ALMS1: variants seen among roughly 807,000 people sequenced by gnomAD.
The protein encoded by ALMS1 is ALMS1 centrosome and basal body associated protein.
A neutral mutation model predicts 352.2 loss-of-function variants in ALMS1; 271 were observed. The observed-to-expected ratio is 0.77, with a 90% CI of 0.70 to 0.85. ALMS1 has a LOEUF of 0.85. Ranked by LOEUF, ALMS1 falls within the 40% of genes least tolerant of loss-of-function variation. ALMS1 has a pLI of 0.00. For missense variants in ALMS1, 5,445 were observed against 4,870.7 expected, an observed-to-expected ratio of 1.12 and a Z score of -3.51; for synonymous variants, 1,865 against 1,761.2, an observed-to-expected ratio of 1.06 and a Z score of -1.48.
At chr2:73,492,434 G>T (rs1673010488) in intron 10 of ALMS1, among the ~76,000 whole-genome samples, 1 of 152,144 alleles carries the variant, frequency 6.6e-6, no homozygotes, top group African/African-American at 2.4e-5. Context: ...TGTGCCAAAA[G>T]ATGTTGTTTG....
intron 16 of ALMS1, among the ~76,000 whole-genome samples, chr2:73,582,952 A>G (rs991097879): frequency 2.0e-5 from 3 of 152,116 alleles, no homozygotes; most frequent in South Asian, 4.1e-4. Flanking sequence ...AGGAGCCTCA[A>G]CACTGTTTTC....
At position 73,491,203 on chromosome 2, in the gene ALMS1, G is replaced by A; in HGVS notation, c.9244G>A (p.Glu3082Lys). 1 of 1,614,142 alleles carries A rather than the reference G, an allele frequency of 6.2e-7. No homozygotes were observed. The highest frequency in any genetic ancestry group is 1.1e-5 in the South Asian group (1 of 91,062). ...TGCTTCTAAAGCGAGGATGAATAGT[G>A]AGTTTAACTTTGACTTACATACTGT... is the stretch of plus-strand genomic sequence containing the variant. ...DAASKARMNS[E>K]FNFDLHTVSS... The change falls in exon 10 of 23, where the codon GAG (glutamate) becomes AAG (lysine). Residue 3082 changes from glutamate (E) to lysine (K), a missense_variant. Physicochemically the swap from Glu to Lys is moderately conservative, Grantham distance 56 (BLOSUM62 1). Transcript: ENST00000613296.
chr2:73,511,880 A>G (rs941079396), intron 10 of ALMS1, among the ~76,000 whole-genome samples: 15 of 152,172 alleles, frequency 9.9e-5, no homozygotes, highest in Admixed American at 1.3e-4. Flanking sequence ...GCTGAGGTTG[A>G]GAAACTGCAC....
chr2:73,407,635 C>T (rs1670997545), intron 1 of ALMS1, among the ~76,000 whole-genome samples: 3 of 152,154 alleles, frequency 2.0e-5, no homozygotes, highest in Admixed American at 2.0e-4. Flanking sequence ...GCATTTCTTC[C>T]AGGTGAGGTC....
intron 2 of ALMS1, among the ~76,000 whole-genome samples, chr2:73,417,406 A>G (rs1430528690): frequency 6.6e-6 from 1 of 152,262 alleles, no homozygotes; most frequent in Non-Finnish European, 1.5e-5. Flanking sequence ...AGTTGCTTAA[A>G]TAAATACAGA....
intron 16 of ALMS1, among the ~76,000 whole-genome samples, chr2:73,593,429 G>A (rs1481903665): frequency 6.6e-6 from 1 of 152,146 alleles, no homozygotes; most frequent in Admixed American, 6.5e-5. Context: ...AGGCAACACT[G>A]TTTATCACTT....
chr2:73,539,951 G>GAT (rs1245202024), intron 12 of ALMS1, among the ~76,000 whole-genome samples: 1 of 152,188 alleles, frequency 6.6e-6, no homozygotes, highest in Admixed American at 6.5e-5. Context: ...TACTCTGCAG[G>GAT]ATATTATCCA....
At chr2:73,547,545 G>A (rs1306759870) in intron 12 of ALMS1, among the ~76,000 whole-genome samples, 2 of 152,128 alleles carry the variant, frequency 1.3e-5, no homozygotes, top group African/African-American at 4.8e-5. Flanking sequence ...GGGGCTTAGT[G>A]CAGGAGCTCA....
chr2:73,440,246 G>T (rs533512641), intron 7 of ALMS1, among the ~76,000 whole-genome samples: 1 of 152,062 alleles, frequency 6.6e-6, no homozygotes, highest in Non-Finnish European at 1.5e-5. Context: ...GTCTCCCAAA[G>T]TGCTCGTATT....
At chr2:73,465,248 C>G (rs1405213545) in intron 9 of ALMS1, among the ~76,000 whole-genome samples, 4 of 151,800 alleles carry the variant, frequency 2.6e-5, no homozygotes, top group African/African-American at 7.3e-5. Context: ...TACTACAAGG[C>G]TACAGTAACC....
In ALMS1 at chr2:73,602,437, G is replaced by A. The variant is rs897624010; in HGVS notation, c.12298+69G>A. Reference sequence around the variant, plus strand: ...GCAAGGTCTGCTGCTCTGCTGCAGAGCCCTGCTAAAGGCCAGCCCAGGCCA... The same window carrying A: ...GCAAGGTCTGCTGCTCTGCTGCAGAACCCTGCTAAAGGCCAGCCCAGGCCA... On this transcript the variant is annotated intron_variant, in intron 20 of 22. Transcript: ENST00000613296. The A allele has an allele frequency of 2.9e-5, 45 of 1,578,252 alleles. No individual in the cohort carries two copies. In the Middle Eastern group the frequency reaches 2.1e-3, roughly 75 times the overall value.
rs1373533726 is a variant in ALMS1 at position 73,388,916 on chromosome 2, T to C, written c.324+2724T>C. On this transcript the variant is annotated intron_variant, in intron 1 of 22. Transcript: ENST00000613296. ...TGTGAGCCAGTGTGCCTGGCTCAGA[T>C]GTCTTTTTGATGAAATGATTTAATT... Among the ~76,000 whole-genome samples, 3 of 152,144 alleles carry C rather than the reference T, an allele frequency of 2.0e-5. No homozygotes were observed. The East Asian group carries it at 5.8e-4, about 29-fold the overall frequency.
intron 1 of ALMS1, among the ~76,000 whole-genome samples, chr2:73,399,320 C>G (rs1025563951): frequency 6.6e-6 from 1 of 152,028 alleles, no homozygotes; most frequent in Non-Finnish European, 1.5e-5. Flanking sequence ...CATTGTGTTG[C>G]TATGAAGAAA....
chr2:73,495,700 T>C (rs1673090045), intron 10 of ALMS1, among the ~76,000 whole-genome samples: 1 of 152,220 alleles, frequency 6.6e-6, no homozygotes, highest in Non-Finnish European at 1.5e-5. Context: ...TGTATACTCA[T>C]ATCTGTATCT....
intron 11 of ALMS1, among the ~76,000 whole-genome samples, chr2:73,525,326 TGTA>T (rs1430630641): frequency 1.3e-5 from 2 of 152,196 alleles, no homozygotes; most frequent in African/African-American, 4.8e-5. Context: ...TAGCTCTAAT[TGTA>T]GTTTTTTGAG....
intron 14 of ALMS1, among the ~76,000 whole-genome samples, chr2:73,557,899 A>G (rs1165482206): frequency 1.3e-5 from 2 of 152,240 alleles, no homozygotes; most frequent in Non-Finnish European, 2.9e-5. Context: ...GTAAAACTCC[A>G]GAGGTAAGCA....
Position 73,408,733 on chromosome 2 carries a change from T to C in ALMS1, c.436T>C (p.Ser146Pro). 6.2e-7 allele frequency: 1 copy of C among 1,613,594 alleles called. No homozygotes were observed. Among genetic ancestry groups the C allele is most frequent in the Non-Finnish European group, 8.5e-7 (1 of 1,179,790 alleles). The change falls in exon 2 of 23, where the codon TCT (serine) becomes CCT (proline). Residue 146 changes from serine (S) to proline (P), a missense_variant. Coordinates refer to ENST00000613296, the MANE Select transcript of ALMS1 (RefSeq NM_001378454.1). ...VCLETTAQRG[S>P]GDDQKTESWH... ...TTTGGAAACAACAGCTCAGCGGGGT[T>C]CTGGGGATGATCAGGTATGTCTTCT...
In ALMS1 at chr2:73,449,865, A is replaced by G; in HGVS notation, c.3338A>G (p.Glu1113Gly). Residue 1113 changes from glutamate to glycine, a missense_variant, in exon 8 of 23, where the codon GAG becomes GGG. Transcript: ENST00000613296. The part of the protein sequence containing the change: ...PGIFYQQTLP[E>G]SHLPKEALKI... ...ATTTTCTACCAACAGACCTTGCCAGAGAGTCATCTGCCTAAAGAGGCTCTG... is the reference window on the plus strand; with the variant it reads ...ATTTTCTACCAACAGACCTTGCCAGGGAGTCATCTGCCTAAAGAGGCTCTG... 1 of 1,613,784 alleles carries G rather than the reference A, an allele frequency of 6.2e-7. No homozygotes were observed. Among genetic ancestry groups the G allele is most frequent in the Non-Finnish European group, 8.5e-7 (1 of 1,179,886 alleles).
At chr2:73,460,389 A>C (rs1322953977) in intron 9 of ALMS1, among the ~76,000 whole-genome samples, 1 of 152,214 alleles carries the variant, frequency 6.6e-6, no homozygotes, top group African/African-American at 2.4e-5. Context: ...AATCTGTTTT[A>C]AGAATGTGGT....
Sources: gnomAD v4.1 joint callset for allele counts (sites outside exome capture counted in the v4.1 genomes callset) on GRCh38, gnomAD v4.1.1 for gene constraint, MANE v1.5 for transcripts, NCBI Gene and HGNC (gene_info 2026-07-23, HGNC 2026-07-21) for gene names.